Variants in ATP8A2 observed in about 807,000 individuals in gnomAD.
ATP8A2 encodes the protein phospholipid-transporting ATPase IB.
In ATP8A2, 100 loss-of-function variants were observed where a neutral mutation model predicts 165.6. That is an observed-to-expected ratio of 0.60 (90% confidence interval 0.51 to 0.71). The LOEUF is 0.71. Ranked by LOEUF, ATP8A2 falls within the 30% of genes least tolerant of loss-of-function variation. The pLI is 0.00. For missense variants in ATP8A2, 1,227 were observed against 1,479.5 expected (o/e 0.83, Z 2.80); for synonymous variants, 543 against 548.8 (o/e 0.99, Z 0.15).
chr13:25,451,852 G>GTTTTTTTTTTT (rs67427237), intron 1 of ATP8A2, among the ~76,000 whole-genome samples: 1 of 146,800 alleles, frequency 6.8e-6, no homozygotes. Flanking sequence ...TACCTTCATG[G>GTTTTTTTTTTT]TTTTTTTTTT....
intron 24 of ATP8A2, among the ~76,000 whole-genome samples, chr13:25,690,253 T>C (rs1310158595): frequency 5.3e-5 from 8 of 152,140 alleles, no homozygotes; most frequent in Non-Finnish European, 1.2e-4. Context: ...GCATAAATAG[T>C]CTCTTTCTTA....
chr13:25,619,337 C>G (rs191174589), intron 24 of ATP8A2, among the ~76,000 whole-genome samples: 56 of 152,306 alleles, frequency 3.7e-4, no homozygotes, highest in Non-Finnish European at 6.0e-4. Context: ...CTACATTTCT[C>G]AAAAGCCAAT....
At chr13:25,436,740 C>G (rs9507518) in intron 1 of ATP8A2, among the ~76,000 whole-genome samples, 62,657 of 151,806 alleles carry the variant, frequency 0.41, 14,026 homozygotes, top group East Asian at 0.59. Context: ...TGTAAGCACC[C>G]CCCTTTTTCT....
chr13:25,725,950 C>T (rs2043484110), intron 25 of ATP8A2, among the ~76,000 whole-genome samples: 1 of 152,158 alleles, frequency 6.6e-6, no homozygotes. Context: ...CACATGGCAA[C>T]ACCATTTTCC....
intron 24 of ATP8A2, among the ~76,000 whole-genome samples, chr13:25,698,945 T>A (rs746196075): frequency 2.6e-4 from 39 of 152,176 alleles, no homozygotes; most frequent in Non-Finnish European, 5.4e-4. Context: ...AGAAGTGGAT[T>A]ATTGTAAATT....
intron 25 of ATP8A2, among the ~76,000 whole-genome samples, chr13:25,733,306 A>G (rs1359545828): frequency 6.6e-6 from 1 of 152,138 alleles, no homozygotes; most frequent in Non-Finnish European, 1.5e-5. Context: ...AGAGACGCTT[A>G]TTGTAGGATT....
intron 27 of ATP8A2, among the ~76,000 whole-genome samples, chr13:25,812,276 C>T (rs1950894916): frequency 6.7e-6 from 1 of 150,100 alleles, no homozygotes; most frequent in Non-Finnish European, 1.5e-5. Context: ...GTCTCTTGTC[C>T]CCCTTCCCCT....
chr13:25,927,075 A>G, intron 33 of ATP8A2: 1 of 452,160 alleles, frequency 2.2e-6, no homozygotes, highest in Non-Finnish European at 4.5e-6. Flanking sequence ...CCTCCTACCC[A>G]GTCTTCATTC....
intron 25 of ATP8A2, among the ~76,000 whole-genome samples, chr13:25,705,869 A>G (rs558120982): frequency 3.3e-5 from 5 of 152,334 alleles, no homozygotes; most frequent in South Asian, 2.1e-4. Flanking sequence ...CACAGTTTCT[A>G]TGTCAAATTT....
intron 24 of ATP8A2, among the ~76,000 whole-genome samples, chr13:25,693,671 GTCTC>G (rs71186897): frequency 0.28 from 41,839 of 148,816 alleles, 6,015 homozygotes; most frequent in South Asian, 0.47. Context: ...AGATCTCTCT[GTCTC>G]TCTCTCTCTC....
rs746711765 is a variant in ATP8A2 at position 25,530,700 on chromosome 13, G to T, written c.420+40G>T. On this transcript the variant is annotated intron_variant, in intron 4 of 36. Transcript: ENST00000381655. The stretch of plus-strand genomic sequence containing the variant: ...TTGGATAATAAAATCATTGTATGCA[G>T]TAGATAATAACTTATGTGTTGCCTC... The T allele has an allele frequency of 2.9e-5, 35 of 1,223,836 alleles. No homozygotes were observed. The African/African-American group carries it at 4.9e-4, about 17-fold the overall frequency. The allele number at this position is 1,223,836 out of a possible 1,614,324, so 75.8% of individuals were successfully genotyped here. A position where few individuals can be genotyped will look rare whatever the true frequency, so the allele number is the denominator to read the frequency against.
chr13:25,912,614 TTG>T, intron 33 of ATP8A2, among the ~76,000 whole-genome samples: 1 of 152,322 alleles, frequency 6.6e-6, no homozygotes, highest in South Asian at 2.1e-4. Context: ...TTATTCCACA[TTG>T]TATTCGTGAA....
intron 28 of ATP8A2, among the ~76,000 whole-genome samples, chr13:25,831,340 A>T (rs1301706555): frequency 6.7e-6 from 1 of 148,744 alleles, no homozygotes; most frequent in Non-Finnish European, 1.5e-5. Context: ...TCAGCCTCCC[A>T]AGTAGCTGGG....
intron 2 of ATP8A2, among the ~76,000 whole-genome samples, chr13:25,504,771 T>C (rs1407376107): frequency 1.5e-5 from 2 of 133,088 alleles, no homozygotes; most frequent in East Asian, 2.0e-4. Flanking sequence ...AAAAAAAGTA[T>C]ACAGTGCTCA....
rs61947629 is a variant in ATP8A2 at position 25,471,613 on chromosome 13, A to C, written c.221+2492A>C. On this transcript the variant is annotated intron_variant, in intron 2 of 36. Coordinates refer to ENST00000381655, the MANE Select transcript of ATP8A2 (RefSeq NM_016529.6). ...CTGCCTCAGCCTCCCAAAGTGCTGG[A>C]ATTACAGGTGTTAGCCACCAGGCCC... 4.9e-3 allele frequency among the ~76,000 whole-genome samples: 752 copies of C among 152,176 alleles called. 5 individuals are homozygous for C. Among genetic ancestry groups the C allele is most frequent in the African/African-American group, 0.018 (730 of 41,510 alleles).
chr13:25,756,260 G>A (rs2044258610), intron 25 of ATP8A2, among the ~76,000 whole-genome samples: 1 of 151,886 alleles, frequency 6.6e-6, no homozygotes, highest in South Asian at 2.1e-4. Flanking sequence ...GAAGCAGATG[G>A]CAATGGCGGT....
chr13:25,404,426 C>T lies in ATP8A2; in HGVS notation c.76+32138C>T, dbSNP rs541306063. Among the ~76,000 whole-genome samples the T allele has an allele frequency of 5.9e-5, 9 of 152,150 alleles. No homozygotes were observed. The East Asian group carries it at 9.7e-4, about 16-fold the overall frequency. The stretch of plus-strand genomic sequence containing the variant: ...GTGAAGATCCTTTGGAGGATGTGAC[C>T]GTGCCACAATGAGATTCACACTTGA... On this transcript the variant is annotated intron_variant, in intron 1 of 36. Transcript: ENST00000381655.
At chr13:25,530,423 A>C in intron 3 of ATP8A2, 139 bp from the exon 4 acceptor site, 1 of 657,148 alleles carries the variant, frequency 1.5e-6, no homozygotes, top group East Asian at 2.7e-5. Context: ...CTAGTTTTTA[A>C]AGTAAGGTAA....
intron 1 of ATP8A2, among the ~76,000 whole-genome samples, chr13:25,404,628 G>A (rs1266428468): frequency 1.3e-5 from 2 of 152,134 alleles, no homozygotes; most frequent in Non-Finnish European, 1.5e-5. Flanking sequence ...AAGAGGAGGC[G>A]AGCGTGCTGC....
Sources: allele counts gnomAD v4.1 joint callset (sites outside exome capture counted in the v4.1 genomes callset), GRCh38; gene constraint gnomAD v4.1.1; transcripts MANE v1.5; gene names NCBI Gene and HGNC (gene_info 2026-07-23, HGNC 2026-07-21).